ADGRB3: variants seen among roughly 807,000 people sequenced by gnomAD.
ADGRB3 encodes the protein brain-specific angiogenesis inhibitor 3.
ADGRB3 carries 37 observed loss-of-function variants against 193.4 expected under a neutral mutation model. The ratio of observed to expected loss-of-function variants is 0.19; its 90% confidence interval spans 0.15 to 0.25. The LOEUF (loss-of-function observed/expected upper bound fraction) is 0.25, where lower values mean the gene tolerates loss of function less well. Among genes scored for constraint, ADGRB3 ranks in the 10% least tolerant of loss-of-function variants. The pLI, the probability that ADGRB3 is intolerant of heterozygous loss-of-function variation, is 1.00. For synonymous variants in ADGRB3, 690 were observed against 644.2 expected, an observed-to-expected ratio of 1.07 and a Z score of -1.08; for missense variants, 1,637 against 1,852.9, an observed-to-expected ratio of 0.88 and a Z score of 2.14.
chr6:68,966,233 A>G (rs573383057), intron 8 of ADGRB3, among the ~76,000 whole-genome samples: 14 of 152,094 alleles, frequency 9.2e-5, no homozygotes, highest in Non-Finnish European at 1.9e-4. Flanking sequence ...TCTACATCCT[A>G]TGATTCTTCA....
chr6:69,043,378 C>T (rs1771145934), intron 13 of ADGRB3, among the ~76,000 whole-genome samples: 1 of 146,728 alleles, frequency 6.8e-6, no homozygotes, highest in South Asian at 2.2e-4. Context: ...ATGTAACTCC[C>T]AGGTGGTACA....
intron 3 of ADGRB3, among the ~76,000 whole-genome samples, chr6:68,825,273 C>G (rs1032353542): frequency 7.2e-5 from 11 of 152,044 alleles, no homozygotes; most frequent in Non-Finnish European, 1.6e-4. Context: ...TATTTTTGCA[C>G]ATTTTCATCT....
intron 17 of ADGRB3, among the ~76,000 whole-genome samples, chr6:69,163,769 C>T (rs1012765455): frequency 1.3e-5 from 2 of 152,150 alleles, no homozygotes; most frequent in African/African-American, 4.8e-5. Flanking sequence ...GCAACCTATA[C>T]TTCATACAGA....
At chr6:69,364,355 A>T (rs1769524220) in intron 29 of ADGRB3, among the ~76,000 whole-genome samples, 1 of 152,034 alleles carries the variant, frequency 6.6e-6, no homozygotes, top group Non-Finnish European at 1.5e-5. Flanking sequence ...GAGTGGGTGG[A>T]AGTATTTATT....
In ADGRB3 at chr6:69,047,889, A is replaced by G. The variant is rs538861634; in HGVS notation, c.2108-296A>G. The stretch of plus-strand genomic sequence containing the variant: ...TTTCTAACAATTAAAATGGAGACCA[A>G]CCATGAACAATCAATATAGCAGTGC... On this transcript the variant is annotated intron_variant, in intron 13 of 31. Transcript: ENST00000370598. Among the ~76,000 whole-genome samples, 19 of 152,338 alleles carry G rather than the reference A, an allele frequency of 1.2e-4. 1 individual carries two copies. The South Asian group carries it at 3.7e-3, about 30-fold the overall frequency.
At chr6:69,037,752 T>C (rs1310090598) in intron 13 of ADGRB3, among the ~76,000 whole-genome samples, 3 of 152,134 alleles carry the variant, frequency 2.0e-5, no homozygotes, top group East Asian at 1.9e-4. Flanking sequence ...AGTGGGTCTT[T>C]CCTAAGTTCT....
chr6:69,298,308 A>G (rs1767873206), intron 20 of ADGRB3, among the ~76,000 whole-genome samples: 1 of 152,050 alleles, frequency 6.6e-6, no homozygotes, highest in Non-Finnish European at 1.5e-5. Flanking sequence ...CACAGAGACT[A>G]GAAATAGGGG....
intron 17 of ADGRB3, among the ~76,000 whole-genome samples, chr6:69,165,496 G>A (rs920280444): frequency 1.3e-5 from 2 of 150,890 alleles, no homozygotes; most frequent in Admixed American, 6.6e-5. Flanking sequence ...GTATCATCCT[G>A]GAGTTGATTT....
At chr6:69,025,984 G>C in intron 13 of ADGRB3, among the ~76,000 whole-genome samples, 1 of 152,310 alleles carries the variant, frequency 6.6e-6, no homozygotes, top group East Asian at 1.9e-4. Context: ...ACCCCAGGTT[G>C]AGGTGCTTCC....
At chr6:68,958,656 T>C (rs899620933) in intron 8 of ADGRB3, among the ~76,000 whole-genome samples, 2 of 152,028 alleles carry the variant, frequency 1.3e-5, no homozygotes, top group African/African-American at 4.8e-5. Flanking sequence ...TTAAGGCAGG[T>C]TAAAAAAATA....
chr6:68,645,358 A>G (rs1455352038), intron 3 of ADGRB3, among the ~76,000 whole-genome samples: 2 of 152,182 alleles, frequency 1.3e-5, no homozygotes, highest in African/African-American at 4.8e-5. Context: ...AAAAATTAAT[A>G]AAATTAATGA....
chr6:69,180,530 G>T (rs923775808), intron 17 of ADGRB3, among the ~76,000 whole-genome samples: 1 of 152,200 alleles, frequency 6.6e-6, no homozygotes, highest in Non-Finnish European at 1.5e-5. Context: ...TGAATGCCTG[G>T]AGATCTGCCT....
intron 13 of ADGRB3, among the ~76,000 whole-genome samples, chr6:69,031,571 C>CTTTCTTTCTTT (rs1337493560): frequency 9.4e-6 from 1 of 106,854 alleles, no homozygotes; most frequent in African/African-American, 3.5e-5. Context: ...TTCTTTTCTT[C>CTTTCTTTCTTT]CTCTGTCTCT....
chr6:69,055,853 A>G (rs1295893291), intron 15 of ADGRB3, among the ~76,000 whole-genome samples: 2 of 151,404 alleles, frequency 1.3e-5, no homozygotes, highest in Non-Finnish European at 2.9e-5. Context: ...TTTTGTGCAC[A>G]CAGTCTCGCT....
At chr6:69,320,850 T>TGC (rs1402326440) in intron 20 of ADGRB3, among the ~76,000 whole-genome samples, 3 of 151,520 alleles carry the variant, frequency 2.0e-5, no homozygotes, top group Non-Finnish European at 3.0e-5. Context: ...TGTGTGTGTG[T>TGC]GTGTATCTTT....
chr6:69,127,901 T>TTTG (rs70987453), intron 17 of ADGRB3, among the ~76,000 whole-genome samples: 32,846 of 119,838 alleles, frequency 0.27, 3,835 homozygotes, highest in Non-Finnish European at 0.29. Flanking sequence ...AATAGTTTTT[T>TTTG]TTTTGTTTTT....
At chr6:69,237,867 TG>T (rs892194116) in intron 19 of ADGRB3, among the ~76,000 whole-genome samples, 8 of 152,084 alleles carry the variant, frequency 5.3e-5, no homozygotes, top group Non-Finnish European at 8.8e-5. Flanking sequence ...TTTATTATAT[TG>T]TTTGCCACTG....
chr6:69,069,764 G>GA lies in ADGRB3; in HGVS notation c.2437-6224dup, dbSNP rs961317363. Among the ~76,000 whole-genome samples, 10 of 138,392 alleles carry GA rather than the reference G, an allele frequency of 7.2e-5. No homozygotes were observed. In the South Asian group the frequency reaches 2.1e-3, roughly 29 times the overall value. The allele number at this position is 138,392 out of a possible 152,430, so 90.8% of individuals were successfully genotyped here. A position where few individuals can be genotyped will look rare whatever the true frequency, so the allele number is the denominator to read the frequency against. ...AAAAAAAAAAAAGAAAGAAAGAAAA[G>GA]AAAAAAATTTATGAACAAAATATGA... On this transcript the variant is annotated intron_variant, in intron 16 of 31. Coordinates refer to ENST00000370598, the MANE Select transcript of ADGRB3 (RefSeq NM_001704.3).
intron 15 of ADGRB3, among the ~76,000 whole-genome samples, chr6:69,058,304 GT>G (rs1562141073): frequency 6.6e-6 from 1 of 150,944 alleles, no homozygotes; most frequent in Non-Finnish European, 1.5e-5. Flanking sequence ...TTTTTTTCTG[GT>G]TTTTGTTATT....
Sources: gnomAD v4.1 joint callset for allele counts (sites outside exome capture counted in the v4.1 genomes callset) on GRCh38, gnomAD v4.1.1 for gene constraint, MANE v1.5 for transcripts, NCBI Gene and HGNC (gene_info 2026-07-23, HGNC 2026-07-21) for gene names.